SCGB2B2: variants seen among roughly 807,000 people sequenced by gnomAD.
SCGB2B2 encodes the protein secretoglobin family 2B member 2.
Under a neutral mutation model 7.6 loss-of-function variants are expected in SCGB2B2, and 11 were observed. That is an observed-to-expected ratio of 1.45 (90% CI 0.91 to 2.40). SCGB2B2 has a LOEUF of 2.40. Among genes scored for constraint, SCGB2B2 ranks in the 30% most tolerant of loss-of-function variants. SCGB2B2 has a pLI of 0.00. For missense variants in SCGB2B2, 104 were observed against 115.4 expected, an observed-to-expected ratio of 0.90 and a Z score of 0.45; for synonymous variants, 50 against 48.6, an observed-to-expected ratio of 1.03 and a Z score of -0.12.
intron 1 of SCGB2B2, among the ~76,000 whole-genome samples, chr19:34,657,434 A>C (rs2146110350): frequency 6.6e-6 from 1 of 151,398 alleles, no homozygotes; most frequent in Non-Finnish European, 1.5e-5. Flanking sequence ...AAGCAAAAAA[A>C]AGCAGGGGTT....
chr19:34,661,019 C>T (rs1252079753), intron 1 of SCGB2B2, among the ~76,000 whole-genome samples: 1 of 149,734 alleles, frequency 6.7e-6, no homozygotes, highest in African/African-American at 2.5e-5. Flanking sequence ...CAAATTATCA[C>T]AAGGACAGAA....
At chr19:34,624,381 C>CCGTTT (rs2066313725) in intron 1 of SCGB2B2, among the ~76,000 whole-genome samples, 1 of 152,094 alleles carries the variant, frequency 6.6e-6, no homozygotes, top group African/African-American at 2.4e-5. Flanking sequence ...AAGTTTAGTT[C>CCGTTT]AGTTTAGTTT....
intron 1 of SCGB2B2, chr19:34,645,535 G>GACACAC (rs774954800): frequency 1.4e-4 from 19 of 136,226 alleles, no homozygotes; most frequent in African/African-American, 7.3e-4. Flanking sequence ...GACACACACA[G>GACACAC]ACACAGACAC....
At chr19:34,599,563 TA>T (rs2145772364) in intron 1 of SCGB2B2, among the ~76,000 whole-genome samples, 2 of 152,254 alleles carry the variant, frequency 1.3e-5, no homozygotes, top group South Asian at 4.1e-4. Context: ...ACTTATTCAC[TA>T]CCATGAGAAC....
chr19:34,623,147 A>G (rs1600053074), intron 1 of SCGB2B2, among the ~76,000 whole-genome samples: 1 of 152,102 alleles, frequency 6.6e-6, no homozygotes, highest in Non-Finnish European at 1.5e-5. Flanking sequence ...GTTCATCTCC[A>G]AATTTCTTTG....
intron 1 of SCGB2B2, among the ~76,000 whole-genome samples, chr19:34,638,631 C>A (rs181117324): frequency 2.5e-4 from 38 of 152,266 alleles, no homozygotes; most frequent in Admixed American, 6.5e-5. Context: ...CATAAATTGG[C>A]CCCTGATAAA....
At chr19:34,602,094 T>C (rs920880202) in intron 1 of SCGB2B2, among the ~76,000 whole-genome samples, 5 of 152,166 alleles carry the variant, frequency 3.3e-5, no homozygotes, top group African/African-American at 9.7e-5. Context: ...AGACACTCTT[T>C]GTTAGATTAA....
At chr19:34,611,057 A>G (rs1226828481) in intron 1 of SCGB2B2, among the ~76,000 whole-genome samples, 1 of 152,026 alleles carries the variant, frequency 6.6e-6, no homozygotes, top group Non-Finnish European at 1.5e-5. Flanking sequence ...GGTAAATTTT[A>G]TGTGTCCAAT....
chr19:34,591,059 A>G lies in SCGB2B2; in HGVS notation c.*2496T>C, dbSNP rs2065285412. ...ATTTTCTTTAGCTCCACAGATTTAA[A>G]TTCCATTGAAATGCTGAAATTTACA... On this transcript the variant is annotated 3_prime_UTR_variant, in exon 4 of 4. Coordinates refer to ENST00000601241, the MANE Select transcript of SCGB2B2 (RefSeq NM_001025591.4). Among the ~76,000 whole-genome samples the G allele has an allele frequency of 6.6e-6, 1 of 152,168 alleles. No individual in the cohort carries two copies. The highest frequency in any genetic ancestry group is 2.1e-4 in the South Asian group (1 of 4,826).
intron 1 of SCGB2B2, among the ~76,000 whole-genome samples, chr19:34,668,863 T>A (rs868104350): frequency 6.6e-5 from 10 of 152,092 alleles, no homozygotes; most frequent in African/African-American, 2.2e-4. Context: ...AACAGACGGC[T>A]CGGCTCTCTG....
At chr19:34,644,528 T>C (rs1645513775) in intron 1 of SCGB2B2, among the ~76,000 whole-genome samples, 1 of 152,124 alleles carries the variant, frequency 6.6e-6, no homozygotes, top group South Asian at 2.1e-4. Flanking sequence ...TCTGTACCCA[T>C]CAAGAAATAA....
chr19:34,606,517 CT>C (rs36092902), intron 1 of SCGB2B2, among the ~76,000 whole-genome samples: 42 of 142,996 alleles, frequency 2.9e-4, no homozygotes, highest in Admixed American at 6.3e-4. Flanking sequence ...TTTTCTTTTT[CT>C]TTTTTTTTTT....
At chr19:34,664,861 C>A (rs1444731908) in intron 1 of SCGB2B2, among the ~76,000 whole-genome samples, 1 of 152,072 alleles carries the variant, frequency 6.6e-6, no homozygotes, top group Non-Finnish European at 1.5e-5. Context: ...GCTGTATCTC[C>A]CTCCCAACCA....
intron 1 of SCGB2B2, among the ~76,000 whole-genome samples, chr19:34,637,107 AG>A (rs529257440): frequency 2.0e-5 from 3 of 152,226 alleles, no homozygotes; most frequent in Non-Finnish European, 4.4e-5. Flanking sequence ...TGCAATTCCC[AG>A]CACAGTGAGG....
At chr19:34,605,128 C>CA (rs2065742608) in intron 1 of SCGB2B2, among the ~76,000 whole-genome samples, 2 of 152,210 alleles carry the variant, frequency 1.3e-5, no homozygotes, top group Non-Finnish European at 2.9e-5. Context: ...TGGAATCATA[C>CA]AACATGCACT....
At chr19:34,594,456 G>A (rs370823013) in intron 2 of SCGB2B2, 47 bp downstream of exon 2, 6 of 1,604,252 alleles carry the variant, frequency 3.7e-6, no homozygotes, top group East Asian at 2.2e-5. Flanking sequence ...TGAGAGTGAA[G>A]GAGCAGGGCC....
intron 1 of SCGB2B2, among the ~76,000 whole-genome samples, chr19:34,622,852 TAGAA>T (rs1211461624): frequency 1.3e-5 from 2 of 151,836 alleles, no homozygotes; most frequent in Admixed American, 1.3e-4. Flanking sequence ...AAATGAGAGA[TAGAA>T]AGGTGTGTTT....
At chr19:34,648,988 C>T (rs538861676) in intron 1 of SCGB2B2, among the ~76,000 whole-genome samples, 13 of 152,056 alleles carry the variant, frequency 8.5e-5, no homozygotes, top group East Asian at 1.9e-4. Flanking sequence ...CTGCAACCTC[C>T]GGCTCCCGGG....
At chr19:34,645,893 CT>C in intron 1 of SCGB2B2, 1 of 250,280 alleles carries the variant, frequency 4.0e-6, no homozygotes, top group Non-Finnish European at 8.1e-6. Context: ...CAGGGGATGC[CT>C]GCCTGGATTT....
Sources: gnomAD v4.1 joint callset for allele counts (sites outside exome capture counted in the v4.1 genomes callset) on GRCh38, gnomAD v4.1.1 for gene constraint, MANE v1.5 for transcripts, NCBI Gene and HGNC (gene_info 2026-07-23, HGNC 2026-07-21) for gene names.